Variants in RWDD1 observed in about 807,000 individuals in gnomAD.
The protein encoded by RWDD1 is RWD domain containing 1.
In RWDD1, 17 loss-of-function variants were observed where a neutral mutation model predicts 31.6. That is an observed-to-expected ratio of 0.54 (90% CI 0.37 to 0.81). RWDD1 has a LOEUF of 0.81. Ranked by LOEUF, RWDD1 falls within the 30% of genes least tolerant of loss-of-function variation. RWDD1 has a pLI of 0.00. For missense variants in RWDD1, 204 were observed against 274.5 expected, an observed-to-expected ratio of 0.74 and a Z score of 1.82; for synonymous variants, 78 against 94.2, an observed-to-expected ratio of 0.83 and a Z score of 0.99.
At position 116,577,318 on chromosome 6, in the gene RWDD1, GTTA is replaced by G. The variant is rs1438174868; in HGVS notation, c.74-2971_74-2969del. 3.9e-5 allele frequency among the ~76,000 whole-genome samples: 6 copies of G among 152,158 alleles called. 1 individual carries two copies. The East Asian group carries it at 1.2e-3, about 29-fold the overall frequency. On this transcript the variant is annotated intron_variant, in intron 1 of 6. Coordinates refer to ENST00000466444, the MANE Select transcript of RWDD1 (RefSeq NM_015952.4). ...CATAACACTGTTATCTCTTGAGTTT[GTTA>G]TTATTCCTCTTACTTTGTTTTCCAA...
chr6:116,597,286 T>C lies in RWDD1; in HGVS notation c.*4185T>C, dbSNP rs528700556. The C allele has an allele frequency of 1.1e-4, 16 of 152,354 alleles. No homozygotes were observed. Among genetic ancestry groups the C allele is most frequent in the African/African-American group, 3.8e-4 (16 of 41,588 alleles). The allele number at this position is 152,354 out of a possible 1,614,324, so 9.4% of individuals were successfully genotyped here. A position where few individuals can be genotyped will look rare whatever the true frequency, so the allele number is the denominator to read the frequency against. ...ACCAAAGCTTTTTAATTTCCTTACA[T>C]AATTAACATGATGAATTTTTAAATA... On this transcript the variant is annotated 3_prime_UTR_variant, in exon 7 of 7. Transcript: ENST00000466444.
At chr6:116,585,504 A>G (rs1171031594) in intron 3 of RWDD1, among the ~76,000 whole-genome samples, 1 of 152,186 alleles carries the variant, frequency 6.6e-6, no homozygotes, top group Non-Finnish European at 1.5e-5. Context: ...TCTTCAGAGT[A>G]GAGAGTAGGG....
chr6:116,585,367 GA>G (rs1775019058), intron 3 of RWDD1, among the ~76,000 whole-genome samples: 1 of 152,086 alleles, frequency 6.6e-6, no homozygotes, highest in African/African-American at 2.4e-5. Flanking sequence ...GGCTTGTGTG[GA>G]AATAAAAATG....
rs1232524161 is a variant in RWDD1, at chr6:116,571,506, C to T, written c.-77C>T. On this transcript the variant is annotated 5_prime_UTR_variant, in exon 1 of 7. Coordinates refer to ENST00000466444, the MANE Select transcript of RWDD1 (RefSeq NM_015952.4). ...CGCCCGCCTGGCCGCCGCCCGCTCT[C>T]CCGGCGCGGCAGCTGTCTGGGCTGC... is the stretch of plus-strand genomic sequence containing the variant. 4.7e-6 allele frequency: 7 copies of T among 1,476,316 alleles called. No individual in the cohort carries two copies. The highest frequency in any genetic ancestry group is 6.4e-6 in the Non-Finnish European group (7 of 1,094,994). The allele number at this position is 1,476,316 out of a possible 1,614,324, so 91.5% of individuals were successfully genotyped here. A position where few individuals can be genotyped will look rare whatever the true frequency, so the allele number is the denominator to read the frequency against.
chr6:116,572,523 G>A (rs1036769117), intron 1 of RWDD1: 4 of 152,158 alleles, frequency 2.6e-5, no homozygotes, highest in African/African-American at 7.2e-5. Flanking sequence ...AGTTCATTAG[G>A]TATAATTTAG....
intron 1 of RWDD1, among the ~76,000 whole-genome samples, chr6:116,576,372 G>A (rs188641568): frequency 6.6e-4 from 101 of 152,036 alleles, no homozygotes; most frequent in African/African-American, 1.8e-3. Flanking sequence ...GCACATGGGC[G>A]TTGCCACACC....
chr6:116,590,361 A>G lies in RWDD1; in HGVS notation c.504A>G (p.Lys168=). The G allele has an allele frequency of 1.3e-6, 2 of 1,598,100 alleles. No individual in the cohort carries two copies. The highest frequency in any genetic ancestry group is 2.3e-5 in the South Asian group (2 of 86,972). The change falls in exon 5 of 7, where the codon AAA becomes AAG. Residue 168 remains lysine, a synonymous_variant. Coordinates refer to ENST00000466444, the MANE Select transcript of RWDD1 (RefSeq NM_015952.4). ...CAGAACTCTTGGAAATTAAAAAGAA[A>G]AGGATGAAAGAAGAAGAACAAGCAG... is the stretch of plus-strand genomic sequence containing the variant. ...FDAELLEIKK[K]RMKEEEQAGK... is the part of the protein sequence containing the mutation.
At chr6:116,576,247 CAT>C (rs1774837609) in intron 1 of RWDD1, among the ~76,000 whole-genome samples, 1 of 152,184 alleles carries the variant, frequency 6.6e-6, no homozygotes, top group Non-Finnish European at 1.5e-5. Flanking sequence ...GTAAAACAAA[CAT>C]ATGATACTCT....
At chr6:116,592,238 A>G (rs1775158162) in intron 6 of RWDD1, among the ~76,000 whole-genome samples, 1 of 152,034 alleles carries the variant, frequency 6.6e-6, no homozygotes, top group Non-Finnish European at 1.5e-5. Context: ...TCCAGTTAGA[A>G]TTATTCAAGG....
Position 116,597,198 on chromosome 6 carries a change from G to A in RWDD1, c.*4097G>A, listed in dbSNP as rs950924535. ...GAGAAAAAGAGAGACTAGTGGTGAT[G>A]TTTTTAAGTAATTGAAGTAAAAAAG... On this transcript the variant is annotated 3_prime_UTR_variant, in exon 7 of 7. Coordinates refer to ENST00000466444, the MANE Select transcript of RWDD1 (RefSeq NM_015952.4). 8 of 152,162 alleles carry A rather than the reference G, an allele frequency of 5.3e-5. No individual in the cohort carries two copies. The highest frequency in any genetic ancestry group is 1.9e-4 in the African/African-American group (8 of 41,442). The allele number at this position is 152,162 out of a possible 1,614,324, so 9.4% of individuals were successfully genotyped here.
intron 3 of RWDD1, among the ~76,000 whole-genome samples, chr6:116,586,041 C>T (rs907254932): frequency 2.0e-5 from 3 of 152,106 alleles, no homozygotes; most frequent in African/African-American, 7.2e-5. Flanking sequence ...GTAAATTATT[C>T]AGTCTAAGTG....
intron 1 of RWDD1, chr6:116,573,961 T>C: frequency 1.0e-6 from 1 of 980,150 alleles, no homozygotes; most frequent in Non-Finnish European, 1.2e-6. Flanking sequence ...CAGAATTAAT[T>C]GCTTTGACTA....
intron 2 of RWDD1, among the ~76,000 whole-genome samples, chr6:116,583,029 G>C (rs756589824): frequency 3.3e-5 from 5 of 150,262 alleles, no homozygotes; most frequent in Non-Finnish European, 7.4e-5. Context: ...CCAGGCTAGA[G>C]TTCCATGGTG....
chr6:116,592,822 T>C (rs558187246), intron 6 of RWDD1, among the ~76,000 whole-genome samples, 158 bp from the exon 7 acceptor site: 1 of 152,308 alleles, frequency 6.6e-6, no homozygotes, highest in East Asian at 1.9e-4. Flanking sequence ...TACTGACCAA[T>C]GCAAATCACT....
chr6:116,589,116 A>G, intron 4 of RWDD1, 131 bp downstream of exon 4: 3 of 765,072 alleles, frequency 3.9e-6, no homozygotes, highest in Non-Finnish European at 5.2e-6. Context: ...AAATTTTAGT[A>G]AAGTTTCACT....
chr6:116,589,165 A>G (rs1775095096), intron 4 of RWDD1, among the ~76,000 whole-genome samples, 180 bp downstream of exon 4: 1 of 152,148 alleles, frequency 6.6e-6, no homozygotes. Context: ...GTGGCATAGC[A>G]TGAGTAATGA....
intron 3 of RWDD1, among the ~76,000 whole-genome samples, chr6:116,586,230 G>A (rs534280151): frequency 6.6e-6 from 1 of 151,990 alleles, no homozygotes; most frequent in East Asian, 1.9e-4. Flanking sequence ...TCATATTGCA[G>A]AAACTCAGAA....
At chr6:116,584,962 A>T in intron 3 of RWDD1, 105 bp downstream of exon 3, 1 of 876,070 alleles carries the variant, frequency 1.1e-6, no homozygotes, top group Non-Finnish European at 1.8e-6. Context: ...CAGAACATTG[A>T]CCAAGTGGAA....
chr6:116,584,302 T>A (rs1004419627), intron 2 of RWDD1, among the ~76,000 whole-genome samples: 2 of 152,246 alleles, frequency 1.3e-5, no homozygotes, highest in Non-Finnish European at 2.9e-5. Flanking sequence ...ATTGTGTGGA[T>A]TCAAATATAG....
Sources: allele counts gnomAD v4.1 joint callset (sites outside exome capture counted in the v4.1 genomes callset), GRCh38; gene constraint gnomAD v4.1.1; transcripts MANE v1.5; gene names NCBI Gene and HGNC (gene_info 2026-07-23, HGNC 2026-07-21).